Variants in CLDND1 observed in about 807,000 individuals in gnomAD.
The protein encoded by CLDND1 is claudin domain containing 1.
A neutral mutation model predicts 26.3 loss-of-function variants in CLDND1; 13 were observed. The observed-to-expected ratio is 0.49, with a 90% CI of 0.32 to 0.78. The LOEUF (loss-of-function observed/expected upper bound fraction) is 0.78, where lower values mean the gene tolerates loss of function less well. Ranked by LOEUF, CLDND1 falls within the 30% of genes least tolerant of loss-of-function variation. The probability of loss-of-function intolerance (pLI) is 0.03; values close to 1 mark genes in which losing one functional copy is unlikely to be tolerated. For synonymous variants in CLDND1, 107 were observed against 107.0 expected (o/e 1.00, Z 0.00); for missense variants, 289 against 312.8 (o/e 0.92, Z 0.57).
chr3:98,521,900 T>G (rs1706431318), intron 1 of CLDND1: 1 of 568,778 alleles, frequency 1.8e-6, no homozygotes, highest in Non-Finnish European at 3.1e-6. Flanking sequence ...CTTCTCCCAG[T>G]TTCCTCTGAA....
intron 2 of CLDND1, among the ~76,000 whole-genome samples, chr3:98,519,392 A>G (rs1706302262): frequency 6.6e-6 from 1 of 152,222 alleles, no homozygotes; most frequent in African/African-American, 2.4e-5. Context: ...GAAACTTTAG[A>G]GTAATTCTTG....
At chr3:98,518,535 A>T (rs893956831) in intron 3 of CLDND1, among the ~76,000 whole-genome samples, 11 of 152,172 alleles carry the variant, frequency 7.2e-5, no homozygotes. Flanking sequence ...ACATATACTT[A>T]CCTGAACTCA....
At position 98,517,188 on chromosome 3, in the gene CLDND1, A is replaced by G; in HGVS notation, c.405T>C (p.Tyr135=). ...HNSGIDLLRT[Y]LWRCQFLLPF... ...GTAAAAGGAACTGGCAACGCCAAAG[A>G]TCTGATTTTTAAAAAGAGAGAAAAG... Residue 135 remains tyrosine, a splice_region_variant and synonymous_variant, in exon 4 of 5, where the codon TAT becomes TAC. Coordinates refer to ENST00000341181, the MANE Select transcript of CLDND1 (RefSeq NM_001040181.2). The G allele has an allele frequency of 6.2e-7, 1 of 1,607,008 alleles. No individual in the cohort carries two copies.
rs147023829 is a variant in CLDND1, at chr3:98,518,989, A to T, written c.299T>A (p.Phe100Tyr). The T allele has an allele frequency of 6.3e-7, 1 of 1,584,470 alleles. No homozygotes were observed. ...ACTCACACATTTTGTGACCACATCA[A>T]ATGACTCTGGAACAAGAACAATTGC... ...WYSPPERTESFDVVTKCVSFT... is the reference protein window; with the variant it reads ...WYSPPERTESYDVVTKCVSFT... Residue 100 changes from phenylalanine to tyrosine, a missense_variant, in exon 3 of 5, where the codon TTT (phenylalanine) becomes TAT (tyrosine). Coordinates refer to ENST00000341181, the MANE Select transcript of CLDND1 (RefSeq NM_001040181.2).
intron 2 of CLDND1, 104 bp downstream of exon 2, chr3:98,521,029 A>G: frequency 1.1e-6 from 1 of 937,232 alleles, no homozygotes; most frequent in South Asian, 1.6e-5. Flanking sequence ...CTTTAAGGAG[A>G]GAGAGAACCA....
At position 98,517,065 on chromosome 3, in the gene CLDND1, G is replaced by C. The variant is rs1336823261; in HGVS notation, c.528C>G (p.Leu176=). The C allele has an allele frequency of 6.2e-7, 1 of 1,614,040 alleles. No individual in the cohort carries two copies. The highest frequency in any genetic ancestry group is 8.5e-7 in the Non-Finnish European group (1 of 1,180,014). Residue 176 remains leucine (L), a synonymous_variant, in exon 4 of 5, where the codon CTC becomes CTG. Transcript: ENST00000341181. ...SLYPTIATGI[L]HLLAGLCTLG... ...GACAAAACCTACCTGCAAGGAGATG[G>C]AGAATGCCCGTGGCAATGGTGGGAT... is the stretch of plus-strand genomic sequence containing the variant.
rs921447411 is a variant in CLDND1 at position 98,516,590 on chromosome 3, A to C, written c.*69T>G. On this transcript the variant is annotated 3_prime_UTR_variant, in exon 5 of 5. Coordinates refer to ENST00000341181, the MANE Select transcript of CLDND1 (RefSeq NM_001040181.2). ...CAAATAAAAATTAAAAACAATTGAG[A>C]GGTGGGGAAAATATCAGTATTATTT... The C allele has an allele frequency of 6.6e-7, 1 of 1,506,140 alleles. No individual in the cohort carries two copies. 93.3% of individuals were successfully genotyped at this position (1,506,140 alleles called of 1,614,324 possible). A position where few individuals can be genotyped will look rare whatever the true frequency, so the allele number is the denominator to read the frequency against.
Position 98,522,806 on chromosome 3 carries a change from G to T in CLDND1, c.-19+43C>A, listed in dbSNP as rs1051112988. The T allele has an allele frequency of 8.1e-6, 13 of 1,613,420 alleles. No homozygotes were observed. The African/African-American group carries it at 1.1e-4, about 13-fold the overall frequency. On this transcript the variant is annotated intron_variant, in intron 1 of 4. Coordinates refer to ENST00000341181, the MANE Select transcript of CLDND1 (RefSeq NM_001040181.2). ...TTCAAACCGCCGGGAACATGGAACC[G>T]CGACGCGACCCCTGCCCGGCGACGC...
Position 98,518,796 on chromosome 3 carries a change from C to G in CLDND1, c.403+89G>C. ...ATTTCACGTTGGCACAATCTACTAA[C>G]TCATCTTATTCCAAAAACATAGTCC... On this transcript the variant is annotated intron_variant, in intron 3 of 4. Transcript: ENST00000341181. The G allele has an allele frequency of 7.8e-6, 6 of 770,184 alleles. No homozygotes were observed. The South Asian group carries it at 9.0e-5, about 11-fold the overall frequency. 47.7% of individuals were successfully genotyped at this position (770,184 alleles called of 1,614,324 possible). A position where few individuals can be genotyped will look rare whatever the true frequency, so the allele number is the denominator to read the frequency against.
chr3:98,519,388 TTA>T (rs1706302043), intron 2 of CLDND1, among the ~76,000 whole-genome samples: 2 of 152,298 alleles, frequency 1.3e-5, no homozygotes, highest in Non-Finnish European at 1.5e-5. Context: ...ACCAGAAACT[TTA>T]GAGTAATTCT....
At chr3:98,518,631 C>A in intron 3 of CLDND1, 1 of 405,342 alleles carries the variant, frequency 2.5e-6, no homozygotes. Context: ...CCATTAATAA[C>A]ATCTTTTGAA....
chr3:98,519,495 G>A (rs1430959697), intron 2 of CLDND1, among the ~76,000 whole-genome samples: 2 of 152,198 alleles, frequency 1.3e-5, no homozygotes, highest in Non-Finnish European at 2.9e-5. Flanking sequence ...TCTGGTGTGA[G>A]TCATAATCAT....
chr3:98,516,958 G>T (rs1706166742), intron 4 of CLDND1, 79 bp from the exon 5 acceptor site: 2 of 1,607,444 alleles, frequency 1.2e-6, no homozygotes, highest in South Asian at 2.2e-5. Flanking sequence ...CAATGTGACA[G>T]GGCAGTTAAT....
At chr3:98,519,988 C>T (rs1706333531) in intron 2 of CLDND1, among the ~76,000 whole-genome samples, 4 of 152,190 alleles carry the variant, frequency 2.6e-5, no homozygotes, top group African/African-American at 9.7e-5. Context: ...TTTCCAAATC[C>T]CTTTTGTGTT....
chr3:98,522,362 G>A, intron 1 of CLDND1: 1 of 215,944 alleles, frequency 4.6e-6, no homozygotes, highest in Non-Finnish European at 8.4e-6. Flanking sequence ...TATACACCGT[G>A]ACCGCACCAA....
At position 98,515,711 on chromosome 3, in the gene CLDND1, A is replaced by G. The variant is rs756793614; in HGVS notation, c.*948T>C. 53 of 1,289,466 alleles carry G rather than the reference A, an allele frequency of 4.1e-5. No individual in the cohort carries two copies. Among genetic ancestry groups the G allele is most frequent in the Non-Finnish European group, 5.2e-5 (51 of 988,706 alleles). The allele number at this position is 1,289,466 out of a possible 1,614,324, so 79.9% of individuals were successfully genotyped here. A position where few individuals can be genotyped will look rare whatever the true frequency, so the allele number is the denominator to read the frequency against. ...GGATTTAGGCAAGGAAAGGCACATC[A>G]TATTACCACAAGAAATAAAGACCAT... is the stretch of plus-strand genomic sequence containing the variant. On this transcript the variant is annotated 3_prime_UTR_variant, in exon 5 of 5. Coordinates refer to ENST00000341181, the MANE Select transcript of CLDND1 (RefSeq NM_001040181.2).
At chr3:98,517,368 A>G in intron 3 of CLDND1, 179 bp from the exon 4 acceptor site, 1 of 678,588 alleles carries the variant, frequency 1.5e-6, no homozygotes, top group Non-Finnish European at 2.4e-6. Context: ...GTCCTGATAA[A>G]AGTAAAAGGA....
intron 1 of CLDND1, chr3:98,522,502 T>A: frequency 8.4e-7 from 1 of 1,191,878 alleles, no homozygotes; most frequent in Non-Finnish European, 1.0e-6. Flanking sequence ...TATTTTGATT[T>A]TTTAAAAATC....
intron 2 of CLDND1, among the ~76,000 whole-genome samples, chr3:98,520,491 T>C (rs1283566761): frequency 2.0e-5 from 3 of 152,134 alleles, no homozygotes; most frequent in Admixed American, 6.5e-5. Context: ...AAAGCTACCA[T>C]TTTAATAACT....
Sources: allele counts gnomAD v4.1 joint callset (sites outside exome capture counted in the v4.1 genomes callset), GRCh38; gene constraint gnomAD v4.1.1; transcripts MANE v1.5; gene names NCBI Gene and HGNC (gene_info 2026-07-23, HGNC 2026-07-21).